The following PTPRD variants were observed in gnomAD, a reference collection of about 807,000 sequenced individuals.
The protein encoded by PTPRD is protein tyrosine phosphatase receptor type D.
In PTPRD, 34 loss-of-function variants were observed where a neutral mutation model predicts 214.5. That is an observed-to-expected ratio of 0.16 (90% CI 0.12 to 0.21). The LOEUF (loss-of-function observed/expected upper bound fraction) is 0.21. PTPRD is among the 10% of genes least tolerant of loss of function. The pLI is 1.00. For synonymous variants in PTPRD, 1,128 were observed against 845.7 expected (o/e 1.33, Z -5.79); for missense variants, 2,545 against 2,398.7 (o/e 1.06, Z -1.27).
chr9:8,332,171 T>TGAAACAAGCACCTAG (rs1842098389), intron 43 of PTPRD, among the ~76,000 whole-genome samples: 1 of 152,278 alleles, frequency 6.6e-6, no homozygotes, highest in Middle Eastern at 3.4e-3. Flanking sequence ...TAATAAATAT[T>TGAAACAAGCACCTAG]GAAACAAGCA....
intron 8 of PTPRD, among the ~76,000 whole-genome samples, chr9:9,517,580 G>C (rs2096868535): frequency 6.6e-6 from 1 of 151,992 alleles, no homozygotes; most frequent in South Asian, 2.1e-4. Flanking sequence ...ACCACTTAGA[G>C]TATTAGAAAC....
At chr9:10,113,958 A>C (rs1277786921) in intron 3 of PTPRD, among the ~76,000 whole-genome samples, 2 of 152,208 alleles carry the variant, frequency 1.3e-5, no homozygotes, top group African/African-American at 4.8e-5. Context: ...TGTTTGTAAA[A>C]AATGAAAATT....
At chr9:9,590,023 T>C (rs554932970) in intron 7 of PTPRD, among the ~76,000 whole-genome samples, 28 of 152,098 alleles carry the variant, frequency 1.8e-4, no homozygotes, top group African/African-American at 6.3e-4. Context: ...TACTCTTTTG[T>C]ATAAGAATGT....
At chr9:9,152,048 T>C (rs1350239510) in intron 10 of PTPRD, among the ~76,000 whole-genome samples, 1 of 152,184 alleles carries the variant, frequency 6.6e-6, no homozygotes, top group African/African-American at 2.4e-5. Flanking sequence ...TAAAAAGAAA[T>C]AAACTGGATT....
chr9:9,956,464 T>C (rs940947965), intron 4 of PTPRD, among the ~76,000 whole-genome samples: 2 of 152,156 alleles, frequency 1.3e-5, no homozygotes, highest in African/African-American at 4.8e-5. Flanking sequence ...GTTTTTAATA[T>C]GTGCCTGTGG....
intron 14 of PTPRD, among the ~76,000 whole-genome samples, chr9:8,621,818 A>T (rs2095835866): frequency 6.6e-6 from 1 of 151,918 alleles, no homozygotes; most frequent in Admixed American, 6.6e-5. Flanking sequence ...TTTGAGTGTA[A>T]ATAAAAGGCT....
At chr9:9,695,334 C>G (rs892925092) in intron 7 of PTPRD, among the ~76,000 whole-genome samples, 1 of 152,114 alleles carries the variant, frequency 6.6e-6, no homozygotes, top group African/African-American at 2.4e-5. Context: ...AGACAAAGTT[C>G]TCTTCACTCT....
intron 9 of PTPRD, among the ~76,000 whole-genome samples, chr9:9,268,928 C>T (rs1941503230): frequency 6.7e-6 from 1 of 150,308 alleles, no homozygotes; most frequent in Non-Finnish European, 1.5e-5. Context: ...AGAAGAAAAG[C>T]TCCATGACAC....
At chr9:8,702,781 G>C (rs1403348664) in intron 12 of PTPRD, among the ~76,000 whole-genome samples, 1 of 152,080 alleles carries the variant, frequency 6.6e-6, no homozygotes, top group East Asian at 1.9e-4. Flanking sequence ...CGAATTTTTT[G>C]TATTTTTAGT....
intron 2 of PTPRD, among the ~76,000 whole-genome samples, 192 bp downstream of exon 2, chr9:10,612,206 T>A (rs1220001891): frequency 3.3e-4 from 9 of 27,392 alleles, no homozygotes; most frequent in Non-Finnish European, 6.5e-4. Context: ...TAAGGGCTCT[T>A]CCAAAAAAAA....
chr9:8,820,743 ACT>A (rs1180079479), intron 11 of PTPRD, among the ~76,000 whole-genome samples: 1 of 151,936 alleles, frequency 6.6e-6, no homozygotes, highest in Non-Finnish European at 1.5e-5. Flanking sequence ...ACACACACAC[ACT>A]TTTTGTGTAT....
intron 36 of PTPRD, among the ~76,000 whole-genome samples, chr9:8,389,693 T>C (rs1336989569): frequency 6.6e-6 from 1 of 152,172 alleles, no homozygotes; most frequent in African/African-American, 2.4e-5. Context: ...GTTTTCTCTG[T>C]TGCACTGGCA....
At chr9:10,569,410 C>A (rs2066720699) in intron 2 of PTPRD, among the ~76,000 whole-genome samples, 1 of 151,906 alleles carries the variant, frequency 6.6e-6, no homozygotes, top group South Asian at 2.1e-4. Flanking sequence ...ACCTGGTTTT[C>A]TGAATTTTTA....
intron 4 of PTPRD, among the ~76,000 whole-genome samples, chr9:10,030,225 T>C (rs1173010824): frequency 6.6e-6 from 1 of 152,174 alleles, no homozygotes; most frequent in African/African-American, 2.4e-5. Context: ...GACAAGGTTT[T>C]TCGAGTTAAA....
chr9:10,606,747 G>A (rs1280572072), intron 2 of PTPRD, among the ~76,000 whole-genome samples: 1 of 151,790 alleles, frequency 6.6e-6, no homozygotes, highest in African/African-American at 2.4e-5. Context: ...AAATGCATGT[G>A]AACACAATGC....
intron 3 of PTPRD, among the ~76,000 whole-genome samples, chr9:10,160,814 C>T (rs1397752701): frequency 1.3e-5 from 2 of 151,738 alleles, no homozygotes; most frequent in South Asian, 2.1e-4. Context: ...TGATCTTATA[C>T]CTAGAAAAAC....
intron 8 of PTPRD, among the ~76,000 whole-genome samples, chr9:9,516,529 T>C (rs1327725204): frequency 6.7e-6 from 1 of 150,290 alleles, no homozygotes; most frequent in African/African-American, 2.4e-5. Context: ...TTATTTTATT[T>C]TATTTTATTT....
chr9:9,227,829 G>A (rs1357173875), intron 9 of PTPRD, among the ~76,000 whole-genome samples: 1 of 152,090 alleles, frequency 6.6e-6, no homozygotes, highest in African/African-American at 2.4e-5. Flanking sequence ...CAACCCTTTA[G>A]ATGACTGTAG....
At chr9:10,610,874 A>G (rs1314618238) in intron 2 of PTPRD, among the ~76,000 whole-genome samples, 1 of 152,122 alleles carries the variant, frequency 6.6e-6, no homozygotes, top group East Asian at 1.9e-4. Context: ...ACTCTAAAAC[A>G]TCTCTACTTT....
Sources: allele counts gnomAD v4.1 joint callset (sites outside exome capture counted in the v4.1 genomes callset), GRCh38; gene constraint gnomAD v4.1.1; transcripts MANE v1.5; gene names NCBI Gene and HGNC (gene_info 2026-07-23, HGNC 2026-07-21).